Variants in ZFP3 observed in about 807,000 individuals in gnomAD.
The protein encoded by ZFP3 is ZFP3 zinc finger protein.
A neutral mutation model predicts 36.7 loss-of-function variants in ZFP3; 18 were observed. That is an observed-to-expected ratio of 0.49 (90% CI 0.34 to 0.73). The LOEUF (loss-of-function observed/expected upper bound fraction) is 0.73, where lower values mean the gene tolerates loss of function less well. Ranked by LOEUF, ZFP3 falls within the 30% of genes least tolerant of loss-of-function variation. The probability of loss-of-function intolerance (pLI) is 0.01; values close to 1 mark genes in which losing one functional copy is unlikely to be tolerated. For missense variants in ZFP3, 495 were observed against 599.0 expected, an observed-to-expected ratio of 0.83 and a Z score of 1.81; for synonymous variants, 218 against 199.0, an observed-to-expected ratio of 1.10 and a Z score of -0.81.
chr17:5,093,105 T>C lies in ZFP3; in HGVS notation c.*92T>C. 4 of 1,321,130 alleles carry C rather than the reference T, an allele frequency of 3.0e-6. No individual in the cohort carries two copies. In the South Asian group the frequency reaches 4.7e-5, roughly 16 times the overall value. 81.8% of individuals were successfully genotyped at this position (1,321,130 alleles called of 1,614,324 possible). On this transcript the variant is annotated 3_prime_UTR_variant, in exon 2 of 2. Transcript: ENST00000318833. ...CAAATATGCACCCCAAGTATTCAAATCCAATGAATGGACAGAACCTCCTCT... is the reference window on the plus strand; with the variant it reads ...CAAATATGCACCCCAAGTATTCAAACCCAATGAATGGACAGAACCTCCTCT...
chr17:5,079,898 G>A (rs2072084321), intron 1 of ZFP3, among the ~76,000 whole-genome samples: 1 of 152,178 alleles, frequency 6.6e-6, no homozygotes, highest in African/African-American at 2.4e-5. Flanking sequence ...AATTAGCCAG[G>A]CGTGGTGGCA....
rs746345923 is a variant in ZFP3 at position 5,094,419 on chromosome 17, CA to C, written c.*1407del. ...TGTATTTATTTCTTCTCCAAGGAAA[CA>C]GCCTACATTTTCCATGTGTCCATGT... On this transcript the variant is annotated 3_prime_UTR_variant, in exon 2 of 2. Transcript: ENST00000318833. The C allele has an allele frequency of 6.0e-5, 10 of 167,084 alleles. No individual in the cohort carries two copies. The highest frequency in any genetic ancestry group is 7.3e-5 in the Non-Finnish European group (5 of 68,142). The allele number at this position is 167,084 out of a possible 1,614,324, so 10.4% of individuals were successfully genotyped here. A position where few individuals can be genotyped will look rare whatever the true frequency, so the allele number is the denominator to read the frequency against.
chr17:5,092,533 G>A lies in ZFP3; in HGVS notation c.1029G>A (p.Gly343=), dbSNP rs146498999. The change falls in exon 2 of 2, where the codon GGG becomes GGA. Residue 343 remains glycine, a synonymous_variant. Transcript: ENST00000318833. This position sits in a 1 kb window ranked among gnomAD's most constrained non-coding sequence, Gnocchi z 5.0. The part of the protein sequence containing the change: ...GDKPYECNEC[G]KTFGQNSEII... ...AACCCTATGAATGTAATGAATGTGGGAAAACTTTTGGCCAGAACTCAGAGA... is the reference window on the plus strand; with the variant it reads ...AACCCTATGAATGTAATGAATGTGGAAAAACTTTTGGCCAGAACTCAGAGA... 1 of 1,614,076 alleles carries A rather than the reference G, an allele frequency of 6.2e-7. No homozygotes were observed. Among genetic ancestry groups the A allele is most frequent in the Non-Finnish European group, 8.5e-7 (1 of 1,180,032 alleles).
chr17:5,091,889 A>C lies in ZFP3; in HGVS notation c.385A>C (p.Asn129His), dbSNP rs766405568. ...AAACTTCCTAGAGATTTTAGAATCT[A>C]ACAAAACACAGAGAAGTTCTGTGGG... ...GQNFLEILES[N>H]KTQRSSVGEK... The change falls in exon 2 of 2, where the codon AAC (asparagine) becomes CAC (histidine). Residue 129 changes from asparagine (N) to histidine (H), a missense_variant. Physicochemically the swap from Asn to His is moderately conservative, Grantham distance 68 (BLOSUM62 1). Around this residue, in one of 3 missense-constraint regions of ZFP3, gnomAD observed 229 missense variants for 233.8 expected, o/e 0.98. Coordinates refer to ENST00000318833, the MANE Select transcript of ZFP3 (RefSeq NM_153018.3). The C allele has an allele frequency of 6.2e-7, 1 of 1,614,254 alleles. No individual in the cohort carries two copies. The highest frequency in any genetic ancestry group is 2.2e-5 in the East Asian group (1 of 44,888).
intron 1 of ZFP3, among the ~76,000 whole-genome samples, chr17:5,081,792 G>A (rs1395626223): frequency 4.0e-5 from 6 of 151,054 alleles, no homozygotes; most frequent in Non-Finnish European, 7.4e-5. Flanking sequence ...TAGTAGAGGC[G>A]GGGTTTCACC....
intron 1 of ZFP3, among the ~76,000 whole-genome samples, chr17:5,087,415 A>G (rs1230735904): frequency 6.6e-6 from 1 of 152,154 alleles, no homozygotes; most frequent in East Asian, 1.9e-4. Flanking sequence ...GCCAATGCCT[A>G]AGTGACTTCT....
intron 1 of ZFP3, among the ~76,000 whole-genome samples, chr17:5,080,574 T>C (rs1033292602): frequency 2.0e-5 from 3 of 152,234 alleles, no homozygotes; most frequent in African/African-American, 7.2e-5. Context: ...GATATTATTT[T>C]TGAGGTATTA....
rs756992099 is a variant in ZFP3 at position 5,092,379 on chromosome 17, AT to A, written c.876del (p.His292GlnfsTer255). On this transcript the variant is annotated frameshift_variant, in exon 2 of 2. Coordinates refer to ENST00000318833, the MANE Select transcript of ZFP3 (RefSeq NM_153018.3). LOFTEE classifies it high-confidence loss of function. The surrounding 1 kb of genome is among the most constrained non-coding windows in gnomAD (Gnocchi z 5.0). ...ECNECGKAFK[H>X]SSGLIRHQKI... The stretch of plus-strand genomic sequence containing the variant: ...AATGAGTGTGGCAAAGCCTTCAAGC[AT>A]AGCTCAGGCCTTATTAGACACCAGA... The A allele has an allele frequency of 1.2e-6, 2 of 1,614,220 alleles. No individual in the cohort carries two copies. Among genetic ancestry groups the A allele is most frequent in the South Asian group, 2.2e-5 (2 of 91,080 alleles).
Position 5,091,887 on chromosome 17 carries a change from C to G in ZFP3, c.383C>G (p.Ser128Cys). 6.2e-7 allele frequency: 1 copy of G among 1,614,166 alleles called. No individual in the cohort carries two copies. The highest frequency in any genetic ancestry group is 8.5e-7 in the Non-Finnish European group (1 of 1,180,040). Residue 128 changes from serine to cysteine, a missense_variant, in exon 2 of 2, where the codon TCT becomes TGT. Ser to Cys is a moderately radical substitution (Grantham distance 112). Transcript: ENST00000318833. The stretch of plus-strand genomic sequence containing the variant: ...CAAAACTTCCTAGAGATTTTAGAAT[C>G]TAACAAAACACAGAGAAGTTCTGTG... ...SGQNFLEILESNKTQRSSVGE... is the reference protein window; with the variant it reads ...SGQNFLEILECNKTQRSSVGE...
intron 1 of ZFP3, among the ~76,000 whole-genome samples, chr17:5,089,085 G>T (rs773325677): frequency 3.9e-5 from 6 of 152,192 alleles, no homozygotes; most frequent in Admixed American, 6.5e-5. Context: ...CTTGTCTGTG[G>T]TGGGGACAGC....
chr17:5,092,993 AGT>A lies in ZFP3; in HGVS notation c.1492_1493del (p.Val498SerfsTer26). On this transcript the variant is annotated frameshift_variant, in exon 2 of 2. Coordinates refer to ENST00000318833, the MANE Select transcript of ZFP3 (RefSeq NM_153018.3). LOFTEE classifies it high-confidence loss of function. The surrounding 1 kb of genome is among the most constrained non-coding windows in gnomAD (Gnocchi z 5.0). ...SRSSHLLRHQ[S>X]VHCME ...GAGCTCTCACCTCCTCCGACATCAA[AGT>A]GTTCACTGTATGGAGTAATCTGCAA... The A allele has an allele frequency of 6.2e-7, 1 of 1,604,608 alleles. No homozygotes were observed. The highest frequency in any genetic ancestry group is 8.5e-7 in the Non-Finnish European group (1 of 1,175,828).
chr17:5,083,356 GAGACCAGC>G (rs1318512245), intron 1 of ZFP3, among the ~76,000 whole-genome samples: 33 of 152,134 alleles, frequency 2.2e-4, no homozygotes, highest in South Asian at 1.9e-3. Context: ...TCAGGAGTTG[GAGACCAGC>G]CTAACCAACA....
In ZFP3 at chr17:5,091,705, A is replaced by G; in HGVS notation, c.201A>G (p.Arg67=). The stretch of plus-strand genomic sequence containing the variant: ...TAGAGCAGATGTCTCCTCAGGAGAG[A>G]GACTTTCCATCAGGGTTGATGATCT... ...EVIEQMSPQE[R]DFPSGLMIFK... The change falls in exon 2 of 2, where the codon AGA becomes AGG. Residue 67 remains arginine, a synonymous_variant. Transcript: ENST00000318833. The G allele has an allele frequency of 6.2e-7, 1 of 1,614,226 alleles. No homozygotes were observed. Among genetic ancestry groups the G allele is most frequent in the Admixed American group, 1.7e-5 (1 of 60,020 alleles).
rs2072079382 is a variant in ZFP3 at position 5,078,881 on chromosome 17, G to GT, written c.-9+310dup. On this transcript the variant is annotated intron_variant, in intron 1 of 1. Coordinates refer to ENST00000318833, the MANE Select transcript of ZFP3 (RefSeq NM_153018.3). This position sits in a 1 kb window ranked among gnomAD's most constrained non-coding sequence, Gnocchi z 4.5. ...GAGGTGGGGACCCGTGGGAGCTGTGGTTTTCTCAGACATTCCACCCCCAAG... is the reference window on the plus strand; with the variant it reads ...GAGGTGGGGACCCGTGGGAGCTGTGGTTTTTCTCAGACATTCCACCCCCAAG... 6.6e-6 allele frequency among the ~76,000 whole-genome samples: 1 copy of GT among 152,172 alleles called. No individual in the cohort carries two copies. Among genetic ancestry groups the GT allele is most frequent in the South Asian group, 2.1e-4 (1 of 4,832 alleles).
chr17:5,093,237 G>A lies in ZFP3; in HGVS notation c.*224G>A. 1 of 489,894 alleles carries A rather than the reference G, an allele frequency of 2.0e-6. No homozygotes were observed. Among genetic ancestry groups the A allele is most frequent in the Non-Finnish European group, 3.6e-6 (1 of 276,208 alleles). 30.3% of individuals were successfully genotyped at this position (489,894 alleles called of 1,614,324 possible). A position where few individuals can be genotyped will look rare whatever the true frequency, so the allele number is the denominator to read the frequency against. On this transcript the variant is annotated 3_prime_UTR_variant, in exon 2 of 2. Transcript: ENST00000318833. Reference sequence around the variant, plus strand: ...CTGTTGCCCAGGATGGGATGCAGTGGCACAGTCGTAACTCACTGCTTCCTT... The same window carrying A: ...CTGTTGCCCAGGATGGGATGCAGTGACACAGTCGTAACTCACTGCTTCCTT...
intron 1 of ZFP3, among the ~76,000 whole-genome samples, chr17:5,087,026 C>T (rs1411993787): frequency 6.6e-6 from 1 of 151,638 alleles, no homozygotes; most frequent in Non-Finnish European, 1.5e-5. Context: ...CTGTGCCCAG[C>T]CTCAGTAGAC....
Position 5,092,053 on chromosome 17 carries a change from C to A in ZFP3, c.549C>A (p.Ser183Arg). The change falls in exon 2 of 2, where the codon AGC (serine) becomes AGA (arginine). Residue 183 changes from serine (S) to arginine (R), a missense_variant. Physicochemically the swap from Ser to Arg is moderately radical, Grantham distance 110. This residue lies in a region of ZFP3 where 229 missense variants were observed against 233.8 expected (regional missense o/e 0.98). Transcript: ENST00000318833. The surrounding 1 kb of genome is among the most constrained non-coding windows in gnomAD (Gnocchi z 5.0). Reference sequence around the variant, plus strand: ...GAAAGACATTTGGAACTAATTCAAGCCTTCGACGGCACCTGAGAATTCATG... The same window carrying A: ...GAAAGACATTTGGAACTAATTCAAGACTTCGACGGCACCTGAGAATTCATG... Reference protein sequence around the residue: ...ECGKTFGTNSSLRRHLRIHAG... With the variant: ...ECGKTFGTNSRLRRHLRIHAG... 2 of 1,614,166 alleles carry A rather than the reference C, an allele frequency of 1.2e-6. No homozygotes were observed. Among genetic ancestry groups the A allele is most frequent in the Non-Finnish European group, 1.7e-6 (2 of 1,180,018 alleles).
rs911933233 is a variant in ZFP3, at chr17:5,093,719, A to C, written c.*706A>C. The C allele has an allele frequency of 6.6e-5, 11 of 167,130 alleles. No individual in the cohort carries two copies. The highest frequency in any genetic ancestry group is 2.7e-4 in the African/African-American group (11 of 41,468). The allele number at this position is 167,130 out of a possible 1,614,324, so 10.4% of individuals were successfully genotyped here. A position where few individuals can be genotyped will look rare whatever the true frequency, so the allele number is the denominator to read the frequency against. ...TAGAAGATGGCAGCATTAATGAAGA[A>C]GCAGGCTCATTTCACATCTGTCAGG... is the stretch of plus-strand genomic sequence containing the variant. On this transcript the variant is annotated 3_prime_UTR_variant, in exon 2 of 2. Transcript: ENST00000318833.
rs61053618 is a variant in ZFP3, at chr17:5,093,175, CTTTTT to C, written c.*176_*180del. ...ATAGTTGGTTGAAGAAGATGAGGCA[CTTTTT>C]TTTTTTTTTTTTTAAGCATTGGGGT... On this transcript the variant is annotated 3_prime_UTR_variant, in exon 2 of 2. Transcript: ENST00000318833. 8.8e-4 allele frequency: 431 copies of C among 488,782 alleles called. No homozygotes were observed. Among genetic ancestry groups the C allele is most frequent in the South Asian group, 1.2e-3 (32 of 25,992 alleles). The allele number at this position is 488,782 out of a possible 1,614,324, so 30.3% of individuals were successfully genotyped here.
Sources: allele counts gnomAD v4.1 joint callset (sites outside exome capture counted in the v4.1 genomes callset), GRCh38; gene constraint gnomAD v4.1.1; regional missense constraint gnomAD v4.1.1; non-coding constraint Gnocchi (gnomAD v3.1); transcripts MANE v1.5; gene names NCBI Gene and HGNC (gene_info 2026-07-23, HGNC 2026-07-21).